Variants in DSCAM observed in about 807,000 individuals in gnomAD.
DSCAM encodes the protein DS cell adhesion molecule.
Under a neutral mutation model 217.7 loss-of-function variants are expected in DSCAM, and 47 were observed. That is an observed-to-expected ratio of 0.22 (90% CI 0.17 to 0.28). The LOEUF (loss-of-function observed/expected upper bound fraction) is 0.28, where lower values mean the gene tolerates loss of function less well. Ranked by LOEUF, DSCAM falls within the 10% of genes least tolerant of loss-of-function variation. The probability of loss-of-function intolerance (pLI) is 1.00; values close to 1 mark genes in which losing one functional copy is unlikely to be tolerated. For missense variants in DSCAM, 2,080 were observed against 2,618.3 expected (o/e 0.79, Z 4.49); for synonymous variants, 1,056 against 1,015.3 (o/e 1.04, Z -0.76).
chr21:40,691,902 T>C (rs1467404909), intron 3 of DSCAM, among the ~76,000 whole-genome samples: 1 of 152,226 alleles, frequency 6.6e-6, no homozygotes. Flanking sequence ...AAAAACGGTG[T>C]GTCACCGTGA....
At chr21:40,265,052 G>C (rs536766790) in intron 11 of DSCAM, among the ~76,000 whole-genome samples, 20 of 140,666 alleles carry the variant, frequency 1.4e-4, no homozygotes, top group African/African-American at 4.9e-4. Flanking sequence ...AATTAGCCAG[G>C]TGTAGTGACA....
chr21:40,454,985 C>A (rs1173037275), intron 3 of DSCAM, among the ~76,000 whole-genome samples: 2 of 152,156 alleles, frequency 1.3e-5, no homozygotes, highest in African/African-American at 4.8e-5. Flanking sequence ...ACAACTCACA[C>A]AGAAATGTAA....
intron 3 of DSCAM, among the ~76,000 whole-genome samples, chr21:40,489,290 C>T (rs1288451209): frequency 6.6e-6 from 1 of 152,126 alleles, no homozygotes. Flanking sequence ...CTCCCTCAAG[C>T]AAAATAATTC....
At chr21:40,710,938 C>T (rs867361361) in intron 1 of DSCAM, among the ~76,000 whole-genome samples, 1 of 150,578 alleles carries the variant, frequency 6.6e-6, no homozygotes, top group East Asian at 1.9e-4. Flanking sequence ...TTCTAACACT[C>T]GAGATGAACA....
At chr21:40,313,842 T>C (rs2074167376) in intron 8 of DSCAM, among the ~76,000 whole-genome samples, 1 of 152,236 alleles carries the variant, frequency 6.6e-6, no homozygotes, top group African/African-American at 2.4e-5. Context: ...CAAACTAAGA[T>C]GATTAATCAT....
intron 32 of DSCAM, among the ~76,000 whole-genome samples, chr21:40,025,555 T>A: frequency 6.6e-6 from 1 of 150,376 alleles, no homozygotes; most frequent in East Asian, 1.9e-4. Flanking sequence ...CAGATCCTGT[T>A]ATTGGTCTAT....
At chr21:40,533,948 T>C (rs2076475437) in intron 3 of DSCAM, among the ~76,000 whole-genome samples, 1 of 152,242 alleles carries the variant, frequency 6.6e-6, no homozygotes, top group Non-Finnish European at 1.5e-5. Flanking sequence ...CTTCTGTTAC[T>C]AATACCTGAT....
At chr21:40,036,761 C>T (rs372955113) in intron 32 of DSCAM, among the ~76,000 whole-genome samples, 59 of 144,630 alleles carry the variant, frequency 4.1e-4, no homozygotes, top group African/African-American at 6.5e-4. Context: ...GATGCAAAAA[C>T]CCTCAATAAA....
intron 1 of DSCAM, among the ~76,000 whole-genome samples, chr21:40,801,482 A>G (rs2123500143): frequency 6.6e-6 from 1 of 152,262 alleles, no homozygotes; most frequent in African/African-American, 2.4e-5. Context: ...AGATAGCAGA[A>G]AAAAGAGATC....
At chr21:40,586,344 T>A (rs1012735851) in intron 3 of DSCAM, among the ~76,000 whole-genome samples, 36 of 152,164 alleles carry the variant, frequency 2.4e-4, no homozygotes, top group African/African-American at 8.4e-4. Flanking sequence ...TCTCACGTAA[T>A]CCTTTACAGC....
chr21:40,556,045 T>G (rs1049717256), intron 3 of DSCAM, among the ~76,000 whole-genome samples: 4 of 151,996 alleles, frequency 2.6e-5, no homozygotes, highest in African/African-American at 9.7e-5. Flanking sequence ...AAAAATAGAG[T>G]GTATAGAAGA....
chr21:40,249,411 C>T (rs537052552), intron 11 of DSCAM, among the ~76,000 whole-genome samples: 3 of 152,184 alleles, frequency 2.0e-5, no homozygotes, highest in East Asian at 1.9e-4. Flanking sequence ...TTTCTCTTGC[C>T]GCTGCCATGT....
chr21:40,179,451 C>T (rs891262373), intron 14 of DSCAM, among the ~76,000 whole-genome samples: 1 of 152,080 alleles, frequency 6.6e-6, no homozygotes, highest in Non-Finnish European at 1.5e-5. Context: ...GTGGAATGGA[C>T]GATGGCCACT....
At chr21:40,509,305 T>C (rs1380438915) in intron 3 of DSCAM, among the ~76,000 whole-genome samples, 3 of 152,234 alleles carry the variant, frequency 2.0e-5, no homozygotes, top group African/African-American at 7.2e-5. Flanking sequence ...TGAATCCTAA[T>C]GCCCAAGATG....
In DSCAM at chr21:40,361,181, C is replaced by T. The variant is rs550457273; in HGVS notation, c.656-7438G>A. Among the ~76,000 whole-genome samples, 43 of 151,560 alleles carry T rather than the reference C, an allele frequency of 2.8e-4. No homozygotes were observed. The South Asian group carries it at 5.2e-3, about 18-fold the overall frequency. On this transcript the variant is annotated intron_variant, in intron 4 of 32. Transcript: ENST00000400454. ...TATTTTTACCCCAAACATTTGAAAA[C>T]GTACAGAAAAGTAGACAAAAATAAT...
At chr21:40,493,877 A>ATATAT (rs1183118307) in intron 3 of DSCAM, among the ~76,000 whole-genome samples, 51 of 132,452 alleles carry the variant, frequency 3.9e-4, no homozygotes, top group East Asian at 1.9e-3. Context: ...AAAAAAAAAA[A>ATATAT]AAATATATAC....
At chr21:40,192,951 C>CCA (rs2090967965) in intron 11 of DSCAM, among the ~76,000 whole-genome samples, 3 of 152,108 alleles carry the variant, frequency 2.0e-5, no homozygotes. Context: ...AGAAGTGGAA[C>CCA]TACTGGGTTA....
intron 11 of DSCAM, among the ~76,000 whole-genome samples, chr21:40,248,316 A>C (rs780667680): frequency 1.3e-5 from 2 of 152,156 alleles, no homozygotes; most frequent in African/African-American, 4.8e-5. Flanking sequence ...TCAGGCTGCA[A>C]ATTTTCCAAA....
At chr21:40,534,170 G>A (rs1197496621) in intron 3 of DSCAM, among the ~76,000 whole-genome samples, 1 of 152,190 alleles carries the variant, frequency 6.6e-6, no homozygotes, top group Non-Finnish European at 1.5e-5. Context: ...GTTAGAGTAT[G>A]TGAAATTTTT....
Sources: gnomAD v4.1 joint callset for allele counts (sites outside exome capture counted in the v4.1 genomes callset) on GRCh38, gnomAD v4.1.1 for gene constraint, MANE v1.5 for transcripts, NCBI Gene and HGNC (gene_info 2026-07-23, HGNC 2026-07-21) for gene names.